The following PAK5 variants were observed in gnomAD, a reference collection of about 807,000 sequenced individuals.
PAK5 encodes the protein p21 (RAC1) activated kinase 5.
PAK5 carries 16 observed loss-of-function variants against 65.9 expected under a neutral mutation model. The ratio of observed to expected loss-of-function variants is 0.24; its 90% CI spans 0.16 to 0.37. The LOEUF is 0.37. Ranked by LOEUF, PAK5 falls within the 10% of genes least tolerant of loss-of-function variation. The pLI, the probability that PAK5 is intolerant of heterozygous loss-of-function variation, is 1.00. For missense variants in PAK5, 785 were observed against 903.9 expected (o/e 0.87, Z 1.69); for synonymous variants, 371 against 354.9 (o/e 1.05, Z -0.51).
chr20:9,834,389 A>G (rs1978982025), intron 1 of PAK5, among the ~76,000 whole-genome samples: 2 of 152,218 alleles, frequency 1.3e-5, no homozygotes, highest in African/African-American at 4.8e-5. Context: ...AATTTAGACA[A>G]TTAAACGAAA....
intron 4 of PAK5, among the ~76,000 whole-genome samples, chr20:9,571,965 G>A (rs2045793706): frequency 6.6e-6 from 1 of 151,848 alleles, no homozygotes; most frequent in African/African-American, 2.4e-5. Flanking sequence ...GTTTCACTGG[G>A]GGCCCAGATG....
rs555619588 is a variant in PAK5, at chr20:9,564,151, A to G, written c.1483-1127T>C. 2.6e-5 allele frequency among the ~76,000 whole-genome samples: 4 copies of G among 152,286 alleles called. No homozygotes were observed. In the East Asian group the frequency reaches 7.7e-4, roughly 29 times the overall value. ...GGACTTAGATCTCTCATCCACAAAAACTTATCTTTCCCCTCAATGCTCTCA... is the reference window on the plus strand; with the variant it reads ...GGACTTAGATCTCTCATCCACAAAAGCTTATCTTTCCCCTCAATGCTCTCA... On this transcript the variant is annotated intron_variant, in intron 5 of 9. Transcript: ENST00000353224.
intron 3 of PAK5, among the ~76,000 whole-genome samples, chr20:9,621,895 C>T (rs1188210429): frequency 2.0e-5 from 3 of 152,204 alleles, no homozygotes; most frequent in Non-Finnish European, 2.9e-5. Flanking sequence ...GCCATTGATA[C>T]TCCATGGTCT....
In PAK5 at chr20:9,566,231, A is replaced by C. The variant is rs759137024; in HGVS notation, c.1144T>G (p.Leu382Val). The change falls in exon 5 of 10, where the codon TTG (leucine) becomes GTG (valine). Residue 382 changes from leucine (L) to valine (V), a missense_variant. By Grantham distance (32) the Leu-to-Val change is conservative. Transcript: ENST00000353224. ...CTCTGCAGGGAGGGGTGATGGTACA[A>C]GGTGGCTTTGTGGTACCCAGACGGG... ...QYPSGYHKAT[L>V]YHHPSLQSSS... The C allele has an allele frequency of 6.2e-7, 1 of 1,613,896 alleles. No homozygotes were observed. The highest frequency in any genetic ancestry group is 1.7e-5 in the Admixed American group (1 of 60,018).
chr20:9,699,683 A>G (rs888895162), intron 2 of PAK5, among the ~76,000 whole-genome samples: 1 of 151,852 alleles, frequency 6.6e-6, no homozygotes, highest in Admixed American at 6.6e-5. Context: ...AATAAAAAAA[A>G]CTCTACATCT....
At chr20:9,795,288 A>G (rs956346063) in intron 1 of PAK5, among the ~76,000 whole-genome samples, 1 of 152,108 alleles carries the variant, frequency 6.6e-6, no homozygotes, top group African/African-American at 2.4e-5. Context: ...TACAAAAGGC[A>G]CTTATACAAT....
chr20:9,544,287 T>C, intron 8 of PAK5, 82 bp downstream of exon 8: 3 of 1,449,764 alleles, frequency 2.1e-6, no homozygotes, highest in South Asian at 1.2e-5. Context: ...CCCCATCTCC[T>C]GTGGTCACCA....
At chr20:9,826,514 C>T (rs1166475088) in intron 1 of PAK5, among the ~76,000 whole-genome samples, 1 of 152,154 alleles carries the variant, frequency 6.6e-6, no homozygotes, top group East Asian at 1.9e-4. Context: ...CACAAGGTAA[C>T]TGCTGTCATA....
intron 1 of PAK5, among the ~76,000 whole-genome samples, chr20:9,769,689 C>A (rs1270947941): frequency 6.6e-6 from 1 of 152,180 alleles, no homozygotes; most frequent in Non-Finnish European, 1.5e-5. Flanking sequence ...GGCTAGAGAG[C>A]ACATCTAAGG....
chr20:9,719,409 A>G (rs2048188292), intron 1 of PAK5, among the ~76,000 whole-genome samples: 1 of 152,036 alleles, frequency 6.6e-6, no homozygotes, highest in African/African-American at 2.4e-5. Context: ...AAACATCTTC[A>G]CCTTTTCCTA....
chr20:9,566,873 C>A (rs1448844097), intron 4 of PAK5, among the ~76,000 whole-genome samples: 2 of 151,958 alleles, frequency 1.3e-5, no homozygotes, highest in African/African-American at 4.8e-5. Flanking sequence ...ATGTTCTCAC[C>A]AAATAAGTAC....
At chr20:9,617,454 C>A (rs1253687132) in intron 3 of PAK5, among the ~76,000 whole-genome samples, 1 of 151,468 alleles carries the variant, frequency 6.6e-6, no homozygotes, top group Non-Finnish European at 1.5e-5. Context: ...AAACAGCTAG[C>A]ACAGTTAAGC....
At chr20:9,701,774 G>A (rs2047942053) in intron 2 of PAK5, among the ~76,000 whole-genome samples, 12 of 152,062 alleles carry the variant, frequency 7.9e-5, no homozygotes. Flanking sequence ...TGAGGCAGGA[G>A]GATCACTTAA....
chr20:9,600,908 T>C (rs2046348564), intron 3 of PAK5, among the ~76,000 whole-genome samples: 2 of 152,182 alleles, frequency 1.3e-5, no homozygotes, highest in Admixed American at 1.3e-4. Context: ...TGGAGAGTTT[T>C]CCTGTCTGCA....
intron 3 of PAK5, among the ~76,000 whole-genome samples, chr20:9,634,623 T>C (rs1392782386): frequency 2.6e-5 from 4 of 152,204 alleles, no homozygotes; most frequent in African/African-American, 9.6e-5. Context: ...CACATTAATA[T>C]AATCAAAAAC....
At chr20:9,791,088 G>A (rs923090041) in intron 1 of PAK5, among the ~76,000 whole-genome samples, 3 of 152,026 alleles carry the variant, frequency 2.0e-5, no homozygotes, top group South Asian at 4.1e-4. Context: ...AATATTCAGC[G>A]TCATTTCTCT....
At chr20:9,706,645 A>G (rs1299251649) in intron 2 of PAK5, among the ~76,000 whole-genome samples, 4 of 149,494 alleles carry the variant, frequency 2.7e-5, no homozygotes, top group Non-Finnish European at 4.5e-5. Context: ...TTCCTGGCTA[A>G]TTTTTGTTTT....
chr20:9,579,127 C>T (rs973633550), intron 4 of PAK5, among the ~76,000 whole-genome samples: 7 of 152,134 alleles, frequency 4.6e-5, no homozygotes, highest in African/African-American at 1.4e-4. Flanking sequence ...TGAATGCAGG[C>T]AGGCTTGGGT....
At chr20:9,781,091 T>C (rs1380762912) in intron 1 of PAK5, among the ~76,000 whole-genome samples, 1 of 152,178 alleles carries the variant, frequency 6.6e-6, no homozygotes, top group East Asian at 1.9e-4. Context: ...CTGATATTTA[T>C]CAATACAACT....
Sources: allele counts gnomAD v4.1 joint callset (sites outside exome capture counted in the v4.1 genomes callset), GRCh38; gene constraint gnomAD v4.1.1; transcripts MANE v1.5; gene names NCBI Gene and HGNC (gene_info 2026-07-23, HGNC 2026-07-21).